The following TMEM268 variants were observed in gnomAD, a reference collection of about 807,000 sequenced individuals.
TMEM268 encodes the protein transmembrane protein 268.
A neutral mutation model predicts 39.1 loss-of-function variants in TMEM268; 24 were observed. The observed-to-expected ratio is 0.61, with a 90% CI of 0.44 to 0.86. The LOEUF (loss-of-function observed/expected upper bound fraction) is 0.86, where lower values mean the gene tolerates loss of function less well. Among genes scored for constraint, TMEM268 ranks in the 40% least tolerant of loss-of-function variants. The pLI is 0.00. For synonymous variants in TMEM268, 176 were observed against 173.5 expected (o/e 1.01, Z -0.12); for missense variants, 409 against 428.6 (o/e 0.95, Z 0.40).
intron 6 of TMEM268, 52 bp downstream of exon 6, chr9:114,633,930 T>C (rs747891727): frequency 9.4e-7 from 1 of 1,064,478 alleles, no homozygotes; most frequent in Non-Finnish European, 1.4e-6. Flanking sequence ...TATGTTGGGC[T>C]AATGGAGAGC....
chr9:114,620,854 A>G (rs1451105295), intron 2 of TMEM268, among the ~76,000 whole-genome samples: 2 of 152,016 alleles, frequency 1.3e-5, no homozygotes, highest in African/African-American at 4.8e-5. Flanking sequence ...CCGAGCTCCA[A>G]TTTGAACTCC....
At chr9:114,622,557 C>T in intron 2 of TMEM268, 1 of 955,172 alleles carries the variant, frequency 1.0e-6, no homozygotes, top group South Asian at 4.8e-5. Context: ...GATTTCAGTC[C>T]AGACTTTTCT....
chr9:114,629,711 G>A (rs572482300), intron 5 of TMEM268, among the ~76,000 whole-genome samples: 1 of 152,166 alleles, frequency 6.6e-6, no homozygotes, highest in South Asian at 2.1e-4. Flanking sequence ...CCGATCCCTG[G>A]CACAGTGCTG....
chr9:114,611,135 C>G (rs956885544), upstream of TMEM268: 4 of 152,406 alleles, frequency 2.6e-5, no homozygotes, highest in African/African-American at 9.6e-5. Context: ...ACTGCCTCAT[C>G]CACGGGTTCC....
At chr9:114,625,854 T>G (rs978688532) in intron 3 of TMEM268, among the ~76,000 whole-genome samples, 1 of 151,944 alleles carries the variant, frequency 6.6e-6, no homozygotes, top group African/African-American at 2.4e-5. Flanking sequence ...TGAGACAGAG[T>G]CTTGCTCTGT....
At chr9:114,616,259 C>T (rs1409382368) in intron 1 of TMEM268, among the ~76,000 whole-genome samples, 1 of 152,056 alleles carries the variant, frequency 6.6e-6, no homozygotes, top group Non-Finnish European at 1.5e-5. Flanking sequence ...TCGTGATGTG[C>T]CAGCCTCGGC....
At chr9:114,622,982 T>C (rs183424881) in intron 2 of TMEM268, among the ~76,000 whole-genome samples, 1 of 151,912 alleles carries the variant, frequency 6.6e-6, no homozygotes, top group East Asian at 2.0e-4. Context: ...CCCAGCTACT[T>C]GAAAGGCTGA....
intron 2 of TMEM268, chr9:114,622,461 G>C (rs1243210167): frequency 1.0e-6 from 1 of 985,118 alleles, no homozygotes; most frequent in Non-Finnish European, 1.2e-6. Context: ...AGGAGATCTC[G>C]ATCCTTTTGT....
chr9:114,635,786 T>TG (rs879467877), intron 6 of TMEM268, among the ~76,000 whole-genome samples: 2 of 152,236 alleles, frequency 1.3e-5, no homozygotes, highest in Admixed American at 1.3e-4. Context: ...TCAGATTCAC[T>TG]GGGGGGTGCA....
At chr9:114,605,174 C>T in the TMEM268 span, among the ~76,000 whole-genome samples, 8 of 152,186 alleles carry the variant, frequency 5.3e-5, no homozygotes, top group South Asian at 6.2e-4. Flanking sequence ...ATCAGTCTTG[C>T]GTGTTCCTTG....
chr9:114,634,061 G>T (rs578148263), intron 6 of TMEM268, among the ~76,000 whole-genome samples, 183 bp downstream of exon 6: 2 of 152,274 alleles, frequency 1.3e-5, no homozygotes, highest in Admixed American at 6.5e-5. Flanking sequence ...CCTTCTCTGT[G>T]CAGTAACCAG....
chr9:114,622,745 A>T (rs1348180239), intron 2 of TMEM268, among the ~76,000 whole-genome samples: 5 of 152,196 alleles, frequency 3.3e-5, no homozygotes, highest in Non-Finnish European at 7.3e-5. Context: ...AAATCAGTGT[A>T]TTAGTTTTCT....
intron 2 of TMEM268, among the ~76,000 whole-genome samples, chr9:114,622,832 T>C (rs749401494): frequency 6.6e-6 from 1 of 152,166 alleles, no homozygotes; most frequent in Non-Finnish European, 1.5e-5. Flanking sequence ...GGCTCATGCC[T>C]GTAATCCCAG....
chr9:114,614,748 A>C (rs950069926), intron 1 of TMEM268, among the ~76,000 whole-genome samples: 1 of 152,140 alleles, frequency 6.6e-6, no homozygotes, highest in Admixed American at 6.6e-5. Context: ...CAGGGGACAT[A>C]AGCCTGATTT....
At chr9:114,626,552 G>A (rs1242499820) in intron 3 of TMEM268, among the ~76,000 whole-genome samples, 1 of 152,230 alleles carries the variant, frequency 6.6e-6, no homozygotes, top group Non-Finnish European at 1.5e-5. Flanking sequence ...CAGGCTCAGA[G>A]GAGTGGGGTT....
At chr9:114,640,907 G>A (rs1827301326) in intron 8 of TMEM268, among the ~76,000 whole-genome samples, 1 of 149,832 alleles carries the variant, frequency 6.7e-6, no homozygotes, top group South Asian at 2.1e-4. Context: ...AGGGAGTTTT[G>A]CTCTTTTGCC....
At chr9:114,625,504 G>T (rs1451561967) in intron 3 of TMEM268, among the ~76,000 whole-genome samples, 1 of 150,028 alleles carries the variant, frequency 6.7e-6, no homozygotes, top group African/African-American at 2.5e-5. Context: ...GAGTGCAGTG[G>T]CGCAATCTGG....
At position 114,633,852 on chromosome 9, in the gene TMEM268, G is replaced by C. The variant is rs1736187225; in HGVS notation, c.559G>C (p.Val187Leu). ...GGTGCTGCTGGGGGTGACAGACACAGTGGAAGGATGCCAGAGTGTGATTCA... is the reference window on the plus strand; with the variant it reads ...GGTGCTGCTGGGGGTGACAGACACACTGGAAGGATGCCAGAGTGTGATTCA... ...HRVLLGVTDT[V>L]EGCQSVIQLW... The change falls in exon 6 of 9, where the codon GTG becomes CTG. Residue 187 changes from valine to leucine, a missense_variant. By Grantham distance (32) the Val-to-Leu change is conservative (BLOSUM62 1). Transcript: ENST00000288502. The C allele has an allele frequency of 6.2e-7, 1 of 1,601,682 alleles. No individual in the cohort carries two copies. The highest frequency in any genetic ancestry group is 1.3e-5 in the African/African-American group (1 of 74,366).
At position 114,646,282 on chromosome 9, in the gene TMEM268, C is replaced by T. The variant is rs1827564813; in HGVS notation, c.*2969C>T. On this transcript the variant is annotated 3_prime_UTR_variant, in exon 9 of 9. Coordinates refer to ENST00000288502, the MANE Select transcript of TMEM268 (RefSeq NM_153045.4). ...CAATGTTCTTCCTCTCATTGAGTCT[C>T]ATTCCTCATCTATAGGATGGGAATA... The T allele has an allele frequency of 6.6e-6, 1 of 152,198 alleles. No individual in the cohort carries two copies. Among genetic ancestry groups the T allele is most frequent in the African/African-American group, 2.4e-5 (1 of 41,450 alleles). The allele number at this position is 152,198 out of a possible 1,614,324, so 9.4% of individuals were successfully genotyped here.
Sources: allele counts gnomAD v4.1 joint callset (sites outside exome capture counted in the v4.1 genomes callset), GRCh38; gene constraint gnomAD v4.1.1; transcripts MANE v1.5; gene names NCBI Gene and HGNC (gene_info 2026-07-23, HGNC 2026-07-21).